Variants in HDAC9 observed in about 807,000 individuals in gnomAD.
HDAC9 encodes the protein MEF-2 interacting transcription repressor (MITR) protein.
In HDAC9, 41 loss-of-function variants were observed where a neutral mutation model predicts 139.4. The observed-to-expected ratio is 0.29, with a 90% CI of 0.23 to 0.38. The LOEUF (loss-of-function observed/expected upper bound fraction) is 0.38. Ranked by LOEUF, HDAC9 falls within the 10% of genes least tolerant of loss-of-function variation. HDAC9 has a pLI of 1.00. For synonymous variants in HDAC9, 517 were observed against 476.2 expected, an observed-to-expected ratio of 1.09 and a Z score of -1.12; for missense variants, 1,147 against 1,297.0, an observed-to-expected ratio of 0.88 and a Z score of 1.78.
intron 14 of HDAC9, among the ~76,000 whole-genome samples, chr7:18,757,061 AT>A (rs1386463091): frequency 6.6e-6 from 1 of 152,022 alleles, no homozygotes; most frequent in Non-Finnish European, 1.5e-5. Flanking sequence ...ATGAGATCAT[AT>A]TTTTATGTTT....
At chr7:18,851,168 A>C (rs1797258156) in intron 21 of HDAC9, among the ~76,000 whole-genome samples, 1 of 152,120 alleles carries the variant, frequency 6.6e-6, no homozygotes, top group African/African-American at 2.4e-5. Flanking sequence ...GGAGCAGCTG[A>C]GCTGCAGTAT....
chr7:18,289,578 T>C (rs1398252144), upstream of HDAC9, among the ~76,000 whole-genome samples: 1 of 151,732 alleles, frequency 6.6e-6, no homozygotes, highest in Admixed American at 6.6e-5. Context: ...GTTTTCAGAC[T>C]TTTTTTTTCT....
intron 2 of HDAC9, among the ~76,000 whole-genome samples, chr7:18,180,964 G>T (rs1008620519): frequency 1.7e-4 from 26 of 152,050 alleles, no homozygotes; most frequent in Admixed American, 1.7e-3. Context: ...TGCCTTTGGG[G>T]TCACATTGCC....
At chr7:18,338,871 AAC>A (rs1452083618) in intron 1 of HDAC9, among the ~76,000 whole-genome samples, 2 of 151,486 alleles carry the variant, frequency 1.3e-5, no homozygotes, top group Admixed American at 1.3e-4. Flanking sequence ...GGTAGAATTC[AAC>A]AGTCAACTCC....
intron 17 of HDAC9, among the ~76,000 whole-genome samples, chr7:18,825,538 A>T (rs1465952679): frequency 6.6e-6 from 1 of 151,968 alleles, no homozygotes; most frequent in East Asian, 1.9e-4. Flanking sequence ...TCTTTAGTGG[A>T]CTAATGAGGT....
At chr7:18,112,971 G>A (rs1783726324) in intron 1 of HDAC9, among the ~76,000 whole-genome samples, 2 of 152,134 alleles carry the variant, frequency 1.3e-5, no homozygotes, top group African/African-American at 4.8e-5. Flanking sequence ...TAGAGAGGGA[G>A]AGATTGATGG....
At chr7:18,829,056 TTG>T (rs1254653617) in intron 17 of HDAC9, 103 bp from the exon 18 acceptor site, 21 of 803,148 alleles carry the variant, frequency 2.6e-5, no homozygotes, top group African/African-American at 6.7e-5. Context: ...GACTTCAGTT[TTG>T]TGTGTGTGTG....
At chr7:18,634,512 G>A (rs903857585) in intron 7 of HDAC9, 115 bp from the exon 8 acceptor site, 18 of 638,218 alleles carry the variant, frequency 2.8e-5, no homozygotes, top group Admixed American at 1.3e-4. Flanking sequence ...TTGTGAAATA[G>A]TGCTTGCATT....
chr7:18,268,233 T>C (rs1796119324), intron 2 of HDAC9, among the ~76,000 whole-genome samples: 1 of 152,152 alleles, frequency 6.6e-6, no homozygotes. Flanking sequence ...ATTTTGCAGC[T>C]ATTTTCAAAA....
intron 1 of HDAC9, among the ~76,000 whole-genome samples, chr7:18,416,590 G>A (rs1585743318): frequency 2.6e-5 from 4 of 152,024 alleles, no homozygotes; most frequent in Admixed American, 1.3e-4. Context: ...AACAGATATA[G>A]GGCTGTTACG....
chr7:18,548,089 A>C (rs1815775122), intron 2 of HDAC9, among the ~76,000 whole-genome samples: 1 of 152,012 alleles, frequency 6.6e-6, no homozygotes, highest in African/African-American at 2.4e-5. Flanking sequence ...CTTAGAGGCC[A>C]TTGTAGGGTT....
chr7:18,394,589 G>A (rs963486990), intron 1 of HDAC9, among the ~76,000 whole-genome samples: 1 of 152,036 alleles, frequency 6.6e-6, no homozygotes, highest in Admixed American at 6.6e-5. Flanking sequence ...GTATGCATGT[G>A]TGTTATGTGT....
intron 1 of HDAC9, among the ~76,000 whole-genome samples, chr7:18,133,328 T>C (rs1247718012): frequency 6.6e-6 from 1 of 152,118 alleles, no homozygotes; most frequent in Admixed American, 6.6e-5. Context: ...ATTCCTCTTA[T>C]CACCCTCTTA....
intron 1 of HDAC9, among the ~76,000 whole-genome samples, chr7:18,434,731 CA>C (rs1412551658): frequency 6.6e-6 from 1 of 151,928 alleles, no homozygotes; most frequent in Non-Finnish European, 1.5e-5. Flanking sequence ...ATTAAAAAGT[CA>C]AAAAATAACA....
chr7:18,164,204 T>C (rs1787847191), intron 2 of HDAC9, among the ~76,000 whole-genome samples: 2 of 152,164 alleles, frequency 1.3e-5, no homozygotes, highest in South Asian at 2.1e-4. Context: ...ATGTGCCAGG[T>C]GGGTAGGAGT....
chr7:18,733,196 CACGTGTATACATGTGTCTAT>C (rs1786532160), intron 13 of HDAC9, among the ~76,000 whole-genome samples: 2 of 146,462 alleles, frequency 1.4e-5, no homozygotes, highest in African/African-American at 2.5e-5. Flanking sequence ...TACATATATA[CACGTGTATACATGTGTCTAT>C]ACGTATATAC....
chr7:18,136,754 T>G (rs564202714), intron 1 of HDAC9, among the ~76,000 whole-genome samples: 4,248 of 151,454 alleles, frequency 0.028, 189 homozygotes, highest in African/African-American at 0.098. Flanking sequence ...TCCAGCTTTG[T>G]TCTTTTGGCT....
At chr7:18,893,833 C>G (rs997670893) in intron 22 of HDAC9, among the ~76,000 whole-genome samples, 1 of 152,102 alleles carries the variant, frequency 6.6e-6, no homozygotes, top group African/African-American at 2.4e-5. Flanking sequence ...ATGATGTTTG[C>G]CTGAAGAGCT....
At chr7:18,817,303 G>A (rs997405530) in intron 17 of HDAC9, among the ~76,000 whole-genome samples, 30 of 152,022 alleles carry the variant, frequency 2.0e-4, no homozygotes, top group African/African-American at 6.5e-4. Context: ...CAAAGTGCTG[G>A]GTTTACAGGC....
Sources: gnomAD v4.1 joint callset for allele counts (sites outside exome capture counted in the v4.1 genomes callset) on GRCh38, gnomAD v4.1.1 for gene constraint, MANE v1.5 for transcripts, NCBI Gene and HGNC (gene_info 2026-07-23, HGNC 2026-07-21) for gene names.